AP2B1: variants seen among roughly 807,000 people sequenced by gnomAD.
The protein encoded by AP2B1 is AP-2 complex subunit beta.
Under a neutral mutation model 102.0 loss-of-function variants are expected in AP2B1, and 23 were observed. That is an observed-to-expected ratio of 0.23 (90% CI 0.16 to 0.32). The LOEUF is 0.32. Among genes scored for constraint, AP2B1 ranks in the 10% least tolerant of loss-of-function variants. The pLI is 1.00. For synonymous variants in AP2B1, 381 were observed against 421.2 expected (o/e 0.90, Z 1.17); for missense variants, 541 against 1,157.4 (o/e 0.47, Z 7.73).
chr17:35,689,148 A>G (rs587607805), intron 18 of AP2B1, among the ~76,000 whole-genome samples: 7 of 152,288 alleles, frequency 4.6e-5, no homozygotes, highest in African/African-American at 1.7e-4. Context: ...CCAGACATTT[A>G]TATCACTTAA....
chr17:35,698,786 C>T (rs1194632936), intron 18 of AP2B1, among the ~76,000 whole-genome samples: 1 of 152,182 alleles, frequency 6.6e-6, no homozygotes, highest in Non-Finnish European at 1.5e-5. Flanking sequence ...ATTTCAGTTG[C>T]AAAATAGTTA....
At chr17:35,655,731 G>T (rs1346173010) in intron 13 of AP2B1, among the ~76,000 whole-genome samples, 6 of 152,204 alleles carry the variant, frequency 3.9e-5, no homozygotes, top group Non-Finnish European at 8.8e-5. Context: ...TTCCAAAGCA[G>T]TTGTACCAGT....
At chr17:35,686,085 T>C (rs1262651997) in intron 18 of AP2B1, among the ~76,000 whole-genome samples, 1 of 152,156 alleles carries the variant, frequency 6.6e-6, no homozygotes, top group East Asian at 1.9e-4. Flanking sequence ...AAATGTAAAA[T>C]ACATTATGCC....
intron 4 of AP2B1, among the ~76,000 whole-genome samples, chr17:35,607,367 C>T (rs938859699): frequency 6.6e-6 from 1 of 152,094 alleles, no homozygotes; most frequent in Non-Finnish European, 1.5e-5. Flanking sequence ...CTGTGTTTAG[C>T]TACATTATAG....
chr17:35,661,913 C>T (rs2075366225), intron 14 of AP2B1, among the ~76,000 whole-genome samples: 1 of 152,112 alleles, frequency 6.6e-6, no homozygotes, highest in South Asian at 2.1e-4. Flanking sequence ...CGATTTTTGC[C>T]ATTAACAGTA....
At chr17:35,721,123 T>TA (rs55861652) in intron 21 of AP2B1, among the ~76,000 whole-genome samples, 19,286 of 152,140 alleles carry the variant, frequency 0.13, 1,271 homozygotes, top group Middle Eastern at 0.16. Flanking sequence ...GAGGGGTTAA[T>TA]AAAACACTTC....
intron 18 of AP2B1, among the ~76,000 whole-genome samples, chr17:35,703,052 C>CATGA (rs2076267990): frequency 6.6e-6 from 1 of 151,828 alleles, no homozygotes; most frequent in Non-Finnish European, 1.5e-5. Context: ...GCAGGTGGAT[C>CATGA]ATGAGGTCAG....
intron 18 of AP2B1, among the ~76,000 whole-genome samples, chr17:35,697,014 C>G (rs1321940812): frequency 6.6e-6 from 1 of 152,182 alleles, no homozygotes; most frequent in Admixed American, 6.5e-5. Context: ...GTTCTTGAAC[C>G]AAACTAAGCA....
At chr17:35,599,696 G>A (rs1299060975) in intron 3 of AP2B1, among the ~76,000 whole-genome samples, 2 of 152,124 alleles carry the variant, frequency 1.3e-5, no homozygotes, top group East Asian at 3.9e-4. Flanking sequence ...TTGAGGGCAG[G>A]AGTTCGAGAC....
intron 14 of AP2B1, among the ~76,000 whole-genome samples, chr17:35,670,453 G>A (rs1394383598): frequency 1.3e-5 from 2 of 151,566 alleles, no homozygotes; most frequent in East Asian, 1.9e-4. Flanking sequence ...CACCCTTTCC[G>A]TCCGCCCCCC....
intron 18 of AP2B1, among the ~76,000 whole-genome samples, chr17:35,693,595 A>G (rs2076082751): frequency 6.6e-6 from 1 of 152,188 alleles, no homozygotes; most frequent in Admixed American, 6.5e-5. Flanking sequence ...GACCCTGGTA[A>G]ATGTAGTTGG....
intron 18 of AP2B1, among the ~76,000 whole-genome samples, chr17:35,699,691 T>C (rs1277082938): frequency 6.6e-6 from 1 of 152,234 alleles, no homozygotes; most frequent in East Asian, 1.9e-4. Context: ...TCTAATATCA[T>C]AAATAGACCT....
rs782308179 is a variant in AP2B1, at chr17:35,726,335, G to A, written c.*2636G>A. On this transcript the variant is annotated 3_prime_UTR_variant, in exon 22 of 22. Transcript: ENST00000610402. The stretch of plus-strand genomic sequence containing the variant: ...GCTTCTCATTCCTCTGTTCTTATTG[G>A]GTCCTGTTTTTCGGGAGGGTGGGGG... 11 of 151,834 alleles carry A rather than the reference G, an allele frequency of 7.2e-5. No individual in the cohort carries two copies. Among genetic ancestry groups the A allele is most frequent in the Middle Eastern group, 3.4e-3 (1 of 294 alleles). The allele number at this position is 151,834 out of a possible 1,614,324, so 9.4% of individuals were successfully genotyped here.
intron 14 of AP2B1, among the ~76,000 whole-genome samples, chr17:35,662,686 T>C (rs549828353): frequency 1.3e-5 from 2 of 152,242 alleles, no homozygotes; most frequent in Non-Finnish European, 2.9e-5. Flanking sequence ...ATATGTGTTA[T>C]GTGCTCATGA....
At chr17:35,635,633 C>T (rs1159168044) in intron 9 of AP2B1, among the ~76,000 whole-genome samples, 1 of 152,132 alleles carries the variant, frequency 6.6e-6, no homozygotes, top group African/African-American at 2.4e-5. Flanking sequence ...CCAGCTGCCT[C>T]GGCCTCCCAA....
At chr17:35,720,370 G>A (rs1555592163) in intron 21 of AP2B1, among the ~76,000 whole-genome samples, 1 of 151,304 alleles carries the variant, frequency 6.6e-6, no homozygotes, top group African/African-American at 2.4e-5. Flanking sequence ...TAAACCAGAA[G>A]AGAGGGTTGC....
chr17:35,604,027 TTATC>T (rs1345544391), intron 3 of AP2B1, among the ~76,000 whole-genome samples: 1 of 152,216 alleles, frequency 6.6e-6, no homozygotes, highest in Non-Finnish European at 1.5e-5. Context: ...CACGAATGGA[TTATC>T]TAAGGCACCC....
chr17:35,675,015 T>G (rs1469643770), intron 17 of AP2B1, among the ~76,000 whole-genome samples: 1 of 152,216 alleles, frequency 6.6e-6, no homozygotes, highest in Non-Finnish European at 1.5e-5. Flanking sequence ...TGACTGAAAG[T>G]TCACATTTTG....
At chr17:35,626,152 C>T (rs773345053) in intron 6 of AP2B1, among the ~76,000 whole-genome samples, 3 of 152,132 alleles carry the variant, frequency 2.0e-5, no homozygotes, top group Non-Finnish European at 4.4e-5. Context: ...TACCAGCCTG[C>T]CTCCTGCTGT....
Sources: gnomAD v4.1 joint callset for allele counts (sites outside exome capture counted in the v4.1 genomes callset) on GRCh38, gnomAD v4.1.1 for gene constraint, MANE v1.5 for transcripts, NCBI Gene and HGNC (gene_info 2026-07-23, HGNC 2026-07-21) for gene names.